The following IGF2R variants were observed in gnomAD, a reference collection of about 807,000 sequenced individuals.
The protein encoded by IGF2R is insulin like growth factor 2 receptor.
IGF2R carries 91 observed loss-of-function variants against 270.6 expected under a neutral mutation model. The ratio of observed to expected loss-of-function variants is 0.34; its 90% CI spans 0.28 to 0.40. The LOEUF is 0.40. Ranked by LOEUF, IGF2R falls within the 10% of genes least tolerant of loss-of-function variation. The probability of loss-of-function intolerance (pLI) is 1.00; values close to 1 mark genes in which losing one functional copy is unlikely to be tolerated. For missense variants in IGF2R, 2,805 were observed against 3,188.3 expected, an observed-to-expected ratio of 0.88 and a Z score of 2.90; for synonymous variants, 1,316 against 1,258.9, an observed-to-expected ratio of 1.05 and a Z score of -0.96.
At chr6:159,990,269 A>C (rs1783955879) in intron 1 of IGF2R, among the ~76,000 whole-genome samples, 1 of 152,178 alleles carries the variant, frequency 6.6e-6, no homozygotes. Context: ...CTCAGCTTGT[A>C]GTTCCCATAA....
intron 19 of IGF2R, among the ~76,000 whole-genome samples, chr6:160,055,682 C>G (rs369544151): frequency 3.3e-5 from 5 of 152,228 alleles, no homozygotes; most frequent in African/African-American, 1.2e-4. Context: ...GGGCAGGTGT[C>G]TTAACTTCCT....
At chr6:160,099,834 C>T (rs1267615734) in intron 45 of IGF2R, among the ~76,000 whole-genome samples, 1 of 152,140 alleles carries the variant, frequency 6.6e-6, no homozygotes, top group African/African-American at 2.4e-5. Context: ...GCAGAGTTCC[C>T]AGCTTTTAAA....
At chr6:160,009,642 G>T (rs989822600) in intron 3 of IGF2R, among the ~76,000 whole-genome samples, 3 of 152,108 alleles carry the variant, frequency 2.0e-5, no homozygotes, top group African/African-American at 7.2e-5. Context: ...AAATTATTAT[G>T]ATTGTTCTTA....
chr6:159,978,892 C>T (rs182283432), intron 1 of IGF2R, among the ~76,000 whole-genome samples: 131 of 152,284 alleles, frequency 8.6e-4, no homozygotes, highest in Admixed American at 2.2e-3. Flanking sequence ...TTATTCAGTA[C>T]ATCTGGAGGG....
intron 33 of IGF2R, 104 bp from the exon 34 acceptor site, chr6:160,073,109 G>C (rs948597712): frequency 2.4e-5 from 36 of 1,481,772 alleles, no homozygotes; most frequent in Non-Finnish European, 3.1e-5. Flanking sequence ...GAAGTTATAA[G>C]TGTTGGCTAT....
chr6:160,103,602 A>T, intron 46 of IGF2R, 144 bp from the exon 47 acceptor site: 1 of 652,416 alleles, frequency 1.5e-6, no homozygotes. Context: ...TGTCACGGCT[A>T]CTCATTTGTC....
intron 1 of IGF2R, among the ~76,000 whole-genome samples, chr6:159,985,729 T>TGGA (rs1372128948): frequency 6.6e-6 from 1 of 152,198 alleles, no homozygotes; most frequent in African/African-American, 2.4e-5. Context: ...GAGCACTGTC[T>TGGA]GGAGGAGCTG....
At chr6:160,057,445 C>T (rs1357816349) in intron 20 of IGF2R, among the ~76,000 whole-genome samples, 3 of 152,190 alleles carry the variant, frequency 2.0e-5, no homozygotes, top group African/African-American at 7.2e-5. Context: ...ACCAACGGCC[C>T]CAGCACAGGG....
intron 4 of IGF2R, among the ~76,000 whole-genome samples, chr6:160,023,717 A>G (rs1008628163): frequency 2.6e-5 from 4 of 152,196 alleles, no homozygotes; most frequent in African/African-American, 4.8e-5. Context: ...AGCTTCTGCT[A>G]TTGTTGGCTG....
chr6:160,032,688 C>A lies in IGF2R; in HGVS notation c.1020C>A (p.Asp340Glu). 6.2e-7 allele frequency: 1 copy of A among 1,614,050 alleles called. No homozygotes were observed. Among genetic ancestry groups the A allele is most frequent in the East Asian group, 2.2e-5 (1 of 44,874 alleles). The change falls in exon 8 of 48, where the codon GAC becomes GAA. Residue 340 changes from aspartate (D) to glutamate (E), a missense_variant. Asp to Glu is a conservative substitution (Grantham distance 45, BLOSUM62 2). Coordinates refer to ENST00000356956, the MANE Select transcript of IGF2R (RefSeq NM_000876.4). ...GCGAGCAGCAGGATGTCTCCATAGA[C>A]CTCACACCACTTGCCCAGAGCGGAG... ...LSGEQQDVSI[D>E]LTPLAQSGGS...
chr6:159,997,667 T>G (rs768370236), intron 2 of IGF2R, among the ~76,000 whole-genome samples: 1 of 152,116 alleles, frequency 6.6e-6, no homozygotes, highest in Non-Finnish European at 1.5e-5. Flanking sequence ...GCTTTTTATT[T>G]TTTGCCCTCG....
Position 160,029,646 on chromosome 6 carries a change from G to A in IGF2R, c.873G>A (p.Glu291=), listed in dbSNP as rs774106925. Residue 291 remains glutamate (E), a synonymous_variant, in exon 7 of 48, where the codon GAG becomes GAA. Coordinates refer to ENST00000356956, the MANE Select transcript of IGF2R (RefSeq NM_000876.4). ...AVTITFVCPS[E]RREGTIPKLT... The stretch of plus-strand genomic sequence containing the variant: ...CTATTACATTTGTTTGCCCGTCGGA[G>A]CGGAGAGAGGTAAGTGACTCGTCTC... 5 of 1,611,012 alleles carry A rather than the reference G, an allele frequency of 3.1e-6. No homozygotes were observed. The highest frequency in any genetic ancestry group is 4.2e-6 in the Non-Finnish European group (5 of 1,177,174).
chr6:160,084,043 A>T lies in IGF2R; in HGVS notation c.5927A>T (p.Asp1976Val), dbSNP rs145118454. 7.8e-5 allele frequency: 126 copies of T among 1,614,154 alleles called. 1 individual carries two copies. The African/African-American group carries it at 1.5e-3, about 19-fold the overall frequency. Residue 1976 changes from aspartate (D) to valine (V), a missense_variant, in exon 40 of 48, where the codon GAT becomes GTT. Around this residue, in one of 2 missense-constraint regions of IGF2R, gnomAD observed 1,851 missense variants for 2,207.2 expected, o/e 0.84. Coordinates refer to ENST00000356956, the MANE Select transcript of IGF2R (RefSeq NM_000876.4). The surrounding 1 kb of genome is among the most constrained non-coding windows in gnomAD (Gnocchi z 4.6). The stretch of plus-strand genomic sequence containing the variant: ...GTCTTCAGTGAAGTGCGTGGGTGTG[A>T]TGTGACATTTGAGTGGAAAACAAAA... ...PQVFSEVRGC[D>V]VTFEWKTKVV...
chr6:160,104,585 A>G (rs1779569892), intron 47 of IGF2R, 89 bp from the exon 48 acceptor site: 2 of 1,382,504 alleles, frequency 1.4e-6, no homozygotes, highest in African/African-American at 1.4e-5. Context: ...AGCTCGTGCC[A>G]GCAGAGAGCA....
In IGF2R at chr6:160,102,395, G is replaced by A. The variant is rs1374913544; in HGVS notation, c.6843-124G>A. ...TTGTGGCCTTGTTTTCTGGGCAGGA[G>A]TAAGAATCACATGGTGTTGGGAAAG... On this transcript the variant is annotated intron_variant, in intron 45 of 47. Transcript: ENST00000356956. This position sits in a 1 kb window ranked among gnomAD's most constrained non-coding sequence, Gnocchi z 4.5. 10 of 1,080,078 alleles carry A rather than the reference G, an allele frequency of 9.3e-6. No homozygotes were observed. The South Asian group carries it at 1.5e-4, about 16-fold the overall frequency. The allele number at this position is 1,080,078 out of a possible 1,614,324, so 66.9% of individuals were successfully genotyped here. A position where few individuals can be genotyped will look rare whatever the true frequency, so the allele number is the denominator to read the frequency against.
intron 29 of IGF2R, among the ~76,000 whole-genome samples, 178 bp from the exon 30 acceptor site, chr6:160,068,063 GGGGTGTGT>G (rs58743319): frequency 0.19 from 18,144 of 95,104 alleles, 1,192 homozygotes; most frequent in Middle Eastern, 0.24. Flanking sequence ...ATTCTGATGG[GGGGTGTGT>G]GTGTGTGTGT....
At chr6:160,027,632 G>T (rs370046051) in intron 6 of IGF2R, among the ~76,000 whole-genome samples, 1 of 152,208 alleles carries the variant, frequency 6.6e-6, no homozygotes, top group African/African-American at 2.4e-5. Flanking sequence ...TGTGGCACCC[G>T]TGAAATTGAT....
At position 159,969,123 on chromosome 6, in the gene IGF2R, C is replaced by T. The variant is rs1277819062; in HGVS notation, c.-124C>T. On this transcript the variant is annotated 5_prime_UTR_variant, in exon 1 of 48. Transcript: ENST00000356956. ...CCGAGCCCAGTCGAGCCGCGCTCAC[C>T]TCGGGCTCCCGCTCCGTCTCCACCT... 5 of 500,304 alleles carry T rather than the reference C, an allele frequency of 1.0e-5. No individual in the cohort carries two copies. Among genetic ancestry groups the T allele is most frequent in the African/African-American group, 8.5e-5 (4 of 47,136 alleles). 31.0% of individuals were successfully genotyped at this position (500,304 alleles called of 1,614,324 possible). A position where few individuals can be genotyped will look rare whatever the true frequency, so the allele number is the denominator to read the frequency against.
At chr6:160,051,860 G>T (rs1182767684) in intron 19 of IGF2R, among the ~76,000 whole-genome samples, 1 of 152,120 alleles carries the variant, frequency 6.6e-6, no homozygotes, top group East Asian at 1.9e-4. Context: ...TACTCTGGAG[G>T]CTGAGGCAGG....
Sources: gnomAD v4.1 joint callset for allele counts (sites outside exome capture counted in the v4.1 genomes callset) on GRCh38, gnomAD v4.1.1 for gene constraint, gnomAD v4.1.1 regional missense constraint, Gnocchi (gnomAD v3.1) non-coding constraint, MANE v1.5 for transcripts, NCBI Gene and HGNC (gene_info 2026-07-23, HGNC 2026-07-21) for gene names.